The following ANKS1B variants were observed in gnomAD, a reference collection of about 807,000 sequenced individuals.
ANKS1B encodes ankyrin repeat and sterile alpha motif domain-containing protein 1B.
A neutral mutation model predicts 148.3 loss-of-function variants in ANKS1B; 36 were observed. The ratio of observed to expected loss-of-function variants is 0.24; its 90% CI spans 0.19 to 0.32. The LOEUF (loss-of-function observed/expected upper bound fraction) is 0.32. ANKS1B is among the 10% of genes least tolerant of loss of function. ANKS1B has a pLI of 1.00. For missense variants in ANKS1B, 1,157 were observed against 1,542.6 expected, an observed-to-expected ratio of 0.75 and a Z score of 4.19; for synonymous variants, 542 against 560.8, an observed-to-expected ratio of 0.97 and a Z score of 0.47.
chr12:99,055,180 C>T (rs1180954619), intron 16 of ANKS1B, among the ~76,000 whole-genome samples: 1 of 152,162 alleles, frequency 6.6e-6, no homozygotes, highest in Non-Finnish European at 1.5e-5. Flanking sequence ...GGGCTGGGTA[C>T]ATTCTCCAGG....
chr12:99,789,119 G>A (rs2065327200), intron 4 of ANKS1B, among the ~76,000 whole-genome samples: 1 of 152,104 alleles, frequency 6.6e-6, no homozygotes, highest in African/African-American at 2.4e-5. Flanking sequence ...GTTTCCGAAG[G>A]GGTGTTTGCA....
At chr12:99,649,328 G>A (rs2098402887) in intron 9 of ANKS1B, 1 of 1,614,152 alleles carries the variant, frequency 6.2e-7, no homozygotes. Flanking sequence ...GAGCAATTCA[G>A]AATCAGTAGA....
At chr12:99,882,455 T>C (rs2092574803) in intron 1 of ANKS1B, among the ~76,000 whole-genome samples, 1 of 152,176 alleles carries the variant, frequency 6.6e-6, no homozygotes, top group Non-Finnish European at 1.5e-5. Flanking sequence ...TACCCATACC[T>C]AGACATATGA....
At chr12:99,550,164 A>G (rs1275555686) in intron 9 of ANKS1B, among the ~76,000 whole-genome samples, 1 of 152,138 alleles carries the variant, frequency 6.6e-6, no homozygotes, top group Non-Finnish European at 1.5e-5. Context: ...AGTGCTCTCT[A>G]TCTTGAGTTT....
At chr12:99,112,671 A>G (rs748389339) in intron 15 of ANKS1B, among the ~76,000 whole-genome samples, 1 of 152,118 alleles carries the variant, frequency 6.6e-6, no homozygotes, top group Non-Finnish European at 1.5e-5. Flanking sequence ...TTGCTTGTTA[A>G]ACTGAACTCA....
chr12:99,797,564 T>G lies in ANKS1B; in HGVS notation c.669+8840A>C, dbSNP rs535405724. Among the ~76,000 whole-genome samples the G allele has an allele frequency of 1.1e-4, 17 of 151,744 alleles. No homozygotes were observed. The South Asian group carries it at 3.5e-3, about 32-fold the overall frequency. ...TTAATCATTTAAAAAAAACAAAATT[T>G]CCAAAATCGATAATCATGCAGTTTA... On this transcript the variant is annotated intron_variant, in intron 4 of 26. Transcript: ENST00000683438.
intron 17 of ANKS1B, among the ~76,000 whole-genome samples, chr12:98,919,282 G>C (rs2099798285): frequency 6.6e-6 from 1 of 152,176 alleles, no homozygotes; most frequent in Admixed American, 6.5e-5. Context: ...GTGTGATCCT[G>C]TTTCAGAAAA....
chr12:99,369,815 C>T (rs1439504532), intron 12 of ANKS1B, among the ~76,000 whole-genome samples: 5 of 149,874 alleles, frequency 3.3e-5, no homozygotes, highest in East Asian at 3.9e-4. Flanking sequence ...GACGGACGGA[C>T]GGACAGACGG....
intron 19 of ANKS1B, among the ~76,000 whole-genome samples, chr12:98,818,729 T>C (rs1594660117): frequency 1.3e-5 from 2 of 152,348 alleles, no homozygotes; most frequent in Middle Eastern, 6.8e-3. Context: ...GTAACATCTC[T>C]TTACAATATA....
intron 9 of ANKS1B, among the ~76,000 whole-genome samples, chr12:99,576,116 C>G (rs1425973310): frequency 6.6e-6 from 1 of 152,014 alleles, no homozygotes; most frequent in Non-Finnish European, 1.5e-5. Context: ...TGAGACAAAA[C>G]AGATTTTAAA....
rs12320586 is a variant in ANKS1B, at chr12:98,926,730, C to T, written c.2779-94594G>A. ...AACGTACAAAATCGGAATTGTGGAG[C>T]TGAGCAGTGTAATAGCTGTGATAAA... On this transcript the variant is annotated intron_variant, in intron 17 of 26. Transcript: ENST00000683438. Among the ~76,000 whole-genome samples, 814 of 151,942 alleles carry T rather than the reference C, an allele frequency of 5.4e-3. 8 individuals are homozygous for T. The highest frequency in any genetic ancestry group is 0.046 in the East Asian group (239 of 5,146).
intron 11 of ANKS1B, among the ~76,000 whole-genome samples, chr12:99,424,871 T>C (rs1422944869): frequency 6.6e-6 from 1 of 151,938 alleles, no homozygotes; most frequent in Non-Finnish European, 1.5e-5. Flanking sequence ...TAGCTGAGTC[T>C]TGGCCAATCA....
intron 9 of ANKS1B, among the ~76,000 whole-genome samples, chr12:99,615,797 A>G (rs1204280292): frequency 6.6e-6 from 1 of 152,188 alleles, no homozygotes; most frequent in East Asian, 1.9e-4. Flanking sequence ...GGCCAGGGCA[A>G]TCAGGCAAGA....
chr12:98,864,204 T>A (rs886642173), intron 17 of ANKS1B, among the ~76,000 whole-genome samples: 1 of 152,088 alleles, frequency 6.6e-6, no homozygotes, highest in Non-Finnish European at 1.5e-5. Flanking sequence ...ATGGTACGTG[T>A]GATATTTTGA....
intron 17 of ANKS1B, among the ~76,000 whole-genome samples, chr12:98,985,714 C>T (rs1020434554): frequency 6.6e-6 from 1 of 151,842 alleles, no homozygotes; most frequent in Non-Finnish European, 1.5e-5. Flanking sequence ...TGTTGTAAAC[C>T]TCTCAACAAA....
rs139622373 is a variant in ANKS1B at position 99,263,289 on chromosome 12, G to A, written c.1757-16425C>T. On this transcript the variant is annotated intron_variant, in intron 12 of 26. Transcript: ENST00000683438. ...CCCCTGACTCCCCACTCATGCCCACGCCCCGTTTTCCAATTTATATTAAAA... is the reference window on the plus strand; with the variant it reads ...CCCCTGACTCCCCACTCATGCCCACACCCCGTTTTCCAATTTATATTAAAA... Among the ~76,000 whole-genome samples the A allele has an allele frequency of 8.2e-3, 1,253 of 152,016 alleles. 31 individuals are homozygous for A. The highest frequency in any genetic ancestry group is 0.056 in the Admixed American group (849 of 15,248).
intron 9 of ANKS1B, among the ~76,000 whole-genome samples, chr12:99,592,430 C>T (rs1032022295): frequency 6.6e-6 from 1 of 150,382 alleles, no homozygotes; most frequent in Non-Finnish European, 1.5e-5. Flanking sequence ...CTATCCACCC[C>T]ACAACTCAAA....
chr12:99,813,232 A>C (rs972528070), intron 2 of ANKS1B, among the ~76,000 whole-genome samples: 1 of 151,682 alleles, frequency 6.6e-6, no homozygotes, highest in Admixed American at 6.6e-5. Context: ...AGAAAGAATT[A>C]ATTAATAATT....
intron 10 of ANKS1B, among the ~76,000 whole-genome samples, chr12:99,458,848 C>A (rs1016199888): frequency 1.3e-5 from 2 of 151,690 alleles, no homozygotes; most frequent in Admixed American, 6.6e-5. Context: ...AGAATTGGTA[C>A]CAATCCTGTT....
Sources: gnomAD v4.1 joint callset for allele counts (sites outside exome capture counted in the v4.1 genomes callset) on GRCh38, gnomAD v4.1.1 for gene constraint, MANE v1.5 for transcripts, NCBI Gene and HGNC (gene_info 2026-07-23, HGNC 2026-07-21) for gene names.